Variants in CREB1 observed in about 807,000 individuals in gnomAD.
CREB1 encodes the protein cyclic AMP-responsive element-binding protein 1.
Under a neutral mutation model 42.0 loss-of-function variants are expected in CREB1, and 2 were observed. The observed-to-expected ratio is 0.05, with a 90% confidence interval of 0.02 to 0.15. CREB1 has a LOEUF of 0.15. Ranked by LOEUF, CREB1 falls within the 10% of genes least tolerant of loss-of-function variation. The pLI is 1.00. For missense variants in CREB1, 199 were observed against 388.9 expected, an observed-to-expected ratio of 0.51 and a Z score of 4.11; for synonymous variants, 123 against 139.9, an observed-to-expected ratio of 0.88 and a Z score of 0.85.
intron 1 of CREB1, among the ~76,000 whole-genome samples, chr2:207,535,407 A>G (rs2080826603): frequency 1.3e-5 from 2 of 152,034 alleles, no homozygotes; most frequent in Non-Finnish European, 1.5e-5. Context: ...AGAACATTTC[A>G]TATAGTCCGG....
chr2:207,538,672 G>A (rs998124649), intron 1 of CREB1, among the ~76,000 whole-genome samples: 4 of 152,196 alleles, frequency 2.6e-5, no homozygotes, highest in African/African-American at 7.2e-5. Context: ...ATAAGAAAGG[G>A]TTAAAAGGGA....
Position 207,597,117 on chromosome 2 carries a change from G to A in CREB1, c.*59G>A. On this transcript the variant is annotated 3_prime_UTR_variant, in exon 8 of 8. Coordinates refer to ENST00000353267, the MANE Select transcript of CREB1 (RefSeq NM_004379.5). Reference sequence around the variant, plus strand: ...AAATGGACTGGCTTGGCCACAACCTGAAAGACAAAATAAACATTTTATTTT... The same window carrying A: ...AAATGGACTGGCTTGGCCACAACCTAAAAGACAAAATAAACATTTTATTTT... 6.7e-7 allele frequency: 1 copy of A among 1,492,024 alleles called. No individual in the cohort carries two copies. The highest frequency in any genetic ancestry group is 1.3e-5 in the South Asian group (1 of 77,322). 92.4% of individuals were successfully genotyped at this position (1,492,024 alleles called of 1,614,324 possible). A position where few individuals can be genotyped will look rare whatever the true frequency, so the allele number is the denominator to read the frequency against.
chr2:207,556,732 T>C (rs1017776970), intron 2 of CREB1, among the ~76,000 whole-genome samples: 1 of 152,212 alleles, frequency 6.6e-6, no homozygotes, highest in African/African-American at 2.4e-5. Context: ...AATGTACTCA[T>C]ACGAGGCAGG....
chr2:207,532,706 G>C (rs1157689218), intron 1 of CREB1, among the ~76,000 whole-genome samples: 1 of 151,684 alleles, frequency 6.6e-6, no homozygotes, highest in African/African-American at 2.4e-5. Context: ...TCTTTCTTTA[G>C]TCTTGCCCGA....
chr2:207,586,685 T>A (rs1413605107), intron 7 of CREB1, among the ~76,000 whole-genome samples: 2 of 152,136 alleles, frequency 1.3e-5, no homozygotes, highest in East Asian at 3.8e-4. Context: ...CCAGGATATA[T>A]AAGGAACTCA....
intron 1 of CREB1, among the ~76,000 whole-genome samples, chr2:207,549,982 AAG>A (rs1166611536): frequency 2.6e-5 from 4 of 152,092 alleles, no homozygotes; most frequent in Non-Finnish European, 5.9e-5. Context: ...AAAAAAAAAA[AAG>A]AGAGAAAAGA....
At chr2:207,553,607 T>C (rs1048993326) in intron 1 of CREB1, among the ~76,000 whole-genome samples, 8 of 152,216 alleles carry the variant, frequency 5.3e-5, no homozygotes, top group Admixed American at 1.3e-4. Flanking sequence ...AAGTATCTGG[T>C]GTTTAAAAAA....
At chr2:207,548,093 C>T (rs1160464953) in intron 1 of CREB1, among the ~76,000 whole-genome samples, 1 of 151,986 alleles carries the variant, frequency 6.6e-6, no homozygotes, top group African/African-American at 2.4e-5. Flanking sequence ...CCACCACGCC[C>T]AGCTAATTTT....
intron 6 of CREB1, 23 bp downstream of exon 6, chr2:207,575,477 G>T: frequency 6.4e-7 from 1 of 1,565,942 alleles, no homozygotes; most frequent in South Asian, 1.2e-5. Context: ...AGAATTCACA[G>T]GTGTGGTAAA....
In CREB1 at chr2:207,598,850, TA is replaced by T. The variant is rs11319861; in HGVS notation, c.*1800del. 147,079 of 173,814 alleles carry T rather than the reference TA, an allele frequency of 0.85. 62,509 individuals carry two copies. The highest frequency in any genetic ancestry group is 1 in the East Asian group (9,871 of 9,878). The allele number at this position is 173,814 out of a possible 1,614,324, so 10.8% of individuals were successfully genotyped here. ...GCGACTCCATCTCAAAAAATAAAAA[TA>T]AAAAAAATGTCTCATTTGGGAAGGA... On this transcript the variant is annotated 3_prime_UTR_variant, in exon 8 of 8. Coordinates refer to ENST00000353267, the MANE Select transcript of CREB1 (RefSeq NM_004379.5).
chr2:207,595,718 C>T (rs952205778), intron 7 of CREB1, among the ~76,000 whole-genome samples: 1 of 152,136 alleles, frequency 6.6e-6, no homozygotes, highest in Non-Finnish European at 1.5e-5. Flanking sequence ...GCATGTGCCA[C>T]CACACTTGGC....
chr2:207,533,978 TATTTC>T (rs2080761366), intron 1 of CREB1, among the ~76,000 whole-genome samples: 1 of 152,212 alleles, frequency 6.6e-6, no homozygotes, highest in East Asian at 1.9e-4. Context: ...TACTACTACT[TATTTC>T]ATAAGATTGC....
intron 1 of CREB1, among the ~76,000 whole-genome samples, chr2:207,530,589 C>T (rs1263334321): frequency 2.0e-5 from 3 of 147,488 alleles, no homozygotes; most frequent in East Asian, 3.9e-4. Flanking sequence ...GTCCGGCCCC[C>T]GCCGCCCGCC....
intron 7 of CREB1, among the ~76,000 whole-genome samples, chr2:207,596,453 G>A (rs2086179902): frequency 6.6e-6 from 1 of 151,376 alleles, no homozygotes; most frequent in Non-Finnish European, 1.5e-5. Context: ...GTTTCTTTGA[G>A]ACGGAGTCTC....
intron 7 of CREB1, among the ~76,000 whole-genome samples, chr2:207,596,259 T>TA (rs1023682487): frequency 6.6e-6 from 1 of 152,210 alleles, no homozygotes; most frequent in African/African-American, 2.4e-5. Context: ...ATGATTAGTT[T>TA]GTAAGATTTT....
In CREB1 at chr2:207,601,630, T is replaced by C. The variant is rs919377268; in HGVS notation, c.*4572T>C. 3 of 209,954 alleles carry C rather than the reference T, an allele frequency of 1.4e-5. No individual in the cohort carries two copies. The highest frequency in any genetic ancestry group is 2.3e-5 in the African/African-American group (1 of 44,064). The allele number at this position is 209,954 out of a possible 1,614,324, so 13.0% of individuals were successfully genotyped here. On this transcript the variant is annotated 3_prime_UTR_variant, in exon 8 of 8. Coordinates refer to ENST00000353267, the MANE Select transcript of CREB1 (RefSeq NM_004379.5). ...CATAGTATGCCAAAATATCCATTAA[T>C]TTGTCTAGAATAGTACAAGACTTTT...
intron 4 of CREB1, among the ~76,000 whole-genome samples, chr2:207,568,599 A>G (rs140650272): frequency 4.6e-5 from 7 of 152,302 alleles, no homozygotes; most frequent in Admixed American, 1.3e-4. Flanking sequence ...AACAATAACT[A>G]TAAATTTATG....
intron 1 of CREB1, among the ~76,000 whole-genome samples, chr2:207,540,667 A>C (rs1309927082): frequency 1.2e-5 from 1 of 81,662 alleles, no homozygotes; most frequent in Non-Finnish European, 2.8e-5. Flanking sequence ...AAGTTTAAAA[A>C]GTAAAAAAAA....
At chr2:207,558,766 C>T (rs2081837381) in intron 2 of CREB1, among the ~76,000 whole-genome samples, 1 of 151,908 alleles carries the variant, frequency 6.6e-6, no homozygotes, top group South Asian at 2.1e-4. Flanking sequence ...TTCAGCCTCC[C>T]AAGTAGCTGG....
Sources: allele counts gnomAD v4.1 joint callset (sites outside exome capture counted in the v4.1 genomes callset), GRCh38; gene constraint gnomAD v4.1.1; transcripts MANE v1.5; gene names NCBI Gene and HGNC (gene_info 2026-07-23, HGNC 2026-07-21).